BCAS3: variants seen among roughly 807,000 people sequenced by gnomAD.
The protein encoded by BCAS3 is BCAS4/BCAS3 fusion.
In BCAS3, 53 loss-of-function variants were observed where a neutral mutation model predicts 116.1. The ratio of observed to expected loss-of-function variants is 0.46; its 90% CI spans 0.37 to 0.57. The LOEUF (loss-of-function observed/expected upper bound fraction) is 0.57, where lower values mean the gene tolerates loss of function less well. Ranked by LOEUF, BCAS3 falls within the 20% of genes least tolerant of loss-of-function variation. The probability of loss-of-function intolerance (pLI) is 0.00; values close to 1 mark genes in which losing one functional copy is unlikely to be tolerated. For synonymous variants in BCAS3, 391 were observed against 408.2 expected (o/e 0.96, Z 0.51); for missense variants, 917 against 1,165.4 (o/e 0.79, Z 3.10).
intron 22 of BCAS3, among the ~76,000 whole-genome samples, chr17:61,295,211 G>A (rs1181727191): frequency 6.6e-6 from 1 of 152,140 alleles, no homozygotes; most frequent in Admixed American, 6.5e-5. Context: ...TTAAATGGTG[G>A]GTCACAACAT....
intron 6 of BCAS3, among the ~76,000 whole-genome samples, chr17:60,747,723 A>G (rs540826992): frequency 6.1e-4 from 93 of 152,162 alleles, no homozygotes; most frequent in African/African-American, 2.2e-3. Flanking sequence ...TACTTATGCC[A>G]TGGAGAGCTT....
Position 61,276,091 on chromosome 17 carries a change from G to A in BCAS3, c.2426-92236G>A, listed in dbSNP as rs888063444. Among the ~76,000 whole-genome samples the A allele has an allele frequency of 3.9e-5, 6 of 152,024 alleles. No homozygotes were observed. Among genetic ancestry groups the A allele is most frequent in the Non-Finnish European group, 5.9e-5 (4 of 68,008 alleles). On this transcript the variant is annotated intron_variant, in intron 22 of 23. Transcript: ENST00000407086. The surrounding 1 kb of genome is among the most constrained non-coding windows in gnomAD (Gnocchi z 4.2). ...GTTGGCCGGGTGCGGTGGCTCACGCGTGTAATCTCAGCACTTTGGGAGGCT... is the reference window on the plus strand; with the variant it reads ...GTTGGCCGGGTGCGGTGGCTCACGCATGTAATCTCAGCACTTTGGGAGGCT...
At position 61,014,230 on chromosome 17, in the gene BCAS3, G is replaced by A. The variant is rs563536263; in HGVS notation, c.1487-1521G>A. ...TCAATAAGAAGTTTTTTGCATGAAA[G>A]AGTTGTTGGATTACAGGCACTGGCT... On this transcript the variant is annotated intron_variant, in intron 15 of 23. Coordinates refer to ENST00000407086, the MANE Select transcript of BCAS3 (RefSeq NM_017679.5). Among the ~76,000 whole-genome samples the A allele has an allele frequency of 2.6e-4, 40 of 152,176 alleles. No individual in the cohort carries two copies. The South Asian group carries it at 5.2e-3, about 20-fold the overall frequency.
At chr17:60,793,891 G>C (rs1403175814) in intron 6 of BCAS3, among the ~76,000 whole-genome samples, 1 of 152,022 alleles carries the variant, frequency 6.6e-6, no homozygotes, top group Non-Finnish European at 1.5e-5. Context: ...TATCTTTTTT[G>C]AATAATGACT....
chr17:61,297,868 T>C (rs919186101), intron 22 of BCAS3, among the ~76,000 whole-genome samples: 1 of 152,192 alleles, frequency 6.6e-6, no homozygotes, highest in Non-Finnish European at 1.5e-5. Context: ...AGTATTTTTC[T>C]TTCTCTAAGG....
At chr17:61,049,807 A>G (rs2068691870) in intron 19 of BCAS3, among the ~76,000 whole-genome samples, 3 of 142,952 alleles carry the variant, frequency 2.1e-5, no homozygotes, top group Admixed American at 7.5e-5. Context: ...ATCTCAGCTC[A>G]CTGCAGCCTC....
Position 60,808,060 on chromosome 17 carries a change from A to G in BCAS3, c.460A>G (p.Ser154Gly), listed in dbSNP as rs756778697. 6.2e-7 allele frequency: 1 copy of G among 1,605,216 alleles called. No individual in the cohort carries two copies. The highest frequency in any genetic ancestry group is 8.5e-7 in the Non-Finnish European group (1 of 1,174,768). The change falls in exon 7 of 24, where the codon AGC becomes GGC. Residue 154 changes from serine to glycine, a missense_variant. Ser to Gly is a moderately conservative substitution (Grantham distance 56). This residue lies in a region of BCAS3 where 807 missense variants were observed against 1,026.0 expected (regional missense o/e 0.79). Transcript: ENST00000407086. ...EKRPLLGVCKSIGSSGTSPPY... is the reference protein window; with the variant it reads ...EKRPLLGVCKGIGSSGTSPPY... Reference sequence around the variant, plus strand: ...AAGACCCCTCCTTGGTGTTTGTAAGAGCATTGGATCTTCTGGGTAAGGAAA... The same window carrying G: ...AAGACCCCTCCTTGGTGTTTGTAAGGGCATTGGATCTTCTGGGTAAGGAAA...
At chr17:60,886,466 A>G (rs1053737031) in intron 9 of BCAS3, 1 of 151,906 alleles carries the variant, frequency 6.6e-6, no homozygotes, top group Non-Finnish European at 1.5e-5. Context: ...TTCTCCATCC[A>G]CCTTTGTTCC....
At chr17:61,010,068 C>G (rs1231144894) in intron 15 of BCAS3, among the ~76,000 whole-genome samples, 5 of 111,024 alleles carry the variant, frequency 4.5e-5, no homozygotes, top group Middle Eastern at 5.1e-3. Flanking sequence ...CAGACTCTGT[C>G]TTTTTTTTTT....
intron 5 of BCAS3, among the ~76,000 whole-genome samples, chr17:60,745,107 A>G (rs2144250131): frequency 6.6e-6 from 1 of 152,220 alleles, no homozygotes; most frequent in Non-Finnish European, 1.5e-5. Flanking sequence ...TGATAGGACC[A>G]AAAGCTAAAT....
At chr17:60,752,503 A>T (rs563871797) in intron 6 of BCAS3, among the ~76,000 whole-genome samples, 45 of 151,596 alleles carry the variant, frequency 3.0e-4, no homozygotes, top group African/African-American at 1.1e-3. Flanking sequence ...GGCTCACTGC[A>T]AGCTCCGTCT....
In BCAS3 at chr17:61,222,572, A is replaced by G. The variant is rs1262361657; in HGVS notation, c.2425+138008A>G. On this transcript the variant is annotated intron_variant, in intron 22 of 23. Coordinates refer to ENST00000407086, the MANE Select transcript of BCAS3 (RefSeq NM_017679.5). This position sits in a 1 kb window ranked among gnomAD's most constrained non-coding sequence, Gnocchi z 6.1. ...CTGGTACATTTTTCTGTGAAATCTC[A>G]GGCTCCTGCCTCATGTCTCTGTAGC... Among the ~76,000 whole-genome samples the G allele has an allele frequency of 1.3e-5, 2 of 152,212 alleles. No homozygotes were observed. Among genetic ancestry groups the G allele is most frequent in the Non-Finnish European group, 2.9e-5 (2 of 68,052 alleles).
intron 7 of BCAS3, among the ~76,000 whole-genome samples, chr17:60,832,045 C>T (rs2050987994): frequency 1.3e-5 from 2 of 152,010 alleles, no homozygotes; most frequent in Non-Finnish European, 1.5e-5. Flanking sequence ...ATTTGTCAAA[C>T]GAAGCAGCAA....
Position 61,038,035 on chromosome 17 carries a change from G to A in BCAS3, c.1909G>A (p.Ala637Thr). The part of the protein sequence containing the change: ...TPLEMMTSPR[A>T]SWTLVRTPQW... ...ACTGGAAATGATGACATCGCCTCGA[G>A]CCAGCTGGACTCTGGTTAGGTAGTA... The change falls in exon 18 of 24, where the codon GCC becomes ACC. Residue 637 changes from alanine to threonine, a missense_variant. Ala to Thr is a moderately conservative substitution (Grantham distance 58, BLOSUM62 0). This residue lies in a region of BCAS3 where 807 missense variants were observed against 1,026.0 expected (regional missense o/e 0.79). Transcript: ENST00000407086. The A allele has an allele frequency of 6.2e-7, 1 of 1,614,060 alleles. No individual in the cohort carries two copies. Among genetic ancestry groups the A allele is most frequent in the Non-Finnish European group, 8.5e-7 (1 of 1,179,984 alleles).
At chr17:61,374,186 C>T (rs1315661045) in intron 23 of BCAS3, among the ~76,000 whole-genome samples, 1 of 144,660 alleles carries the variant, frequency 6.9e-6, no homozygotes, top group Admixed American at 6.9e-5. Flanking sequence ...CTGTTAACTT[C>T]CTTTTTTTTT....
intron 9 of BCAS3, 69 bp downstream of exon 9, chr17:60,874,807 A>G: frequency 1.1e-6 from 1 of 947,922 alleles, no homozygotes; most frequent in Non-Finnish European, 1.6e-6. Context: ...CAATCAGCAA[A>G]CTAACTGTAA....
intron 6 of BCAS3, among the ~76,000 whole-genome samples, chr17:60,798,831 C>T (rs2144579235): frequency 1.3e-5 from 2 of 152,334 alleles, no homozygotes; most frequent in East Asian, 3.9e-4. Flanking sequence ...CTTGCGTCCT[C>T]TTCAGTATTT....
chr17:61,037,813 T>G lies in BCAS3; in HGVS notation c.1763-76T>G. 1 of 1,349,566 alleles carries G rather than the reference T, an allele frequency of 7.4e-7. No homozygotes were observed. Among genetic ancestry groups the G allele is most frequent in the Non-Finnish European group, 1.0e-6 (1 of 975,576 alleles). The allele number at this position is 1,349,566 out of a possible 1,614,324, so 83.6% of individuals were successfully genotyped here. On this transcript the variant is annotated intron_variant, in intron 17 of 23. Coordinates refer to ENST00000407086, the MANE Select transcript of BCAS3 (RefSeq NM_017679.5). This position sits in a 1 kb window ranked among gnomAD's most constrained non-coding sequence, Gnocchi z 4.7. Reference sequence around the variant, plus strand: ...CAGCCTCAGGAGCAGACTAATAAGATCATTAACTTGTAAAAATTATTCTGT... The same window carrying G: ...CAGCCTCAGGAGCAGACTAATAAGAGCATTAACTTGTAAAAATTATTCTGT...
intron 4 of BCAS3, among the ~76,000 whole-genome samples, chr17:60,700,965 T>TG (rs2036301154): frequency 6.6e-6 from 1 of 152,008 alleles, no homozygotes; most frequent in Non-Finnish European, 1.5e-5. Context: ...GAGGGGAGGC[T>TG]GGGTGTGGTG....
Sources: gnomAD v4.1 joint callset for allele counts (sites outside exome capture counted in the v4.1 genomes callset) on GRCh38, gnomAD v4.1.1 for gene constraint, gnomAD v4.1.1 regional missense constraint, Gnocchi (gnomAD v3.1) non-coding constraint, MANE v1.5 for transcripts, NCBI Gene and HGNC (gene_info 2026-07-23, HGNC 2026-07-21) for gene names.